STIM1: variants seen among roughly 807,000 people sequenced by gnomAD.
The protein encoded by STIM1 is stromal interaction molecule 1.
In STIM1, 25 loss-of-function variants were observed where a neutral mutation model predicts 74.7. The ratio of observed to expected loss-of-function variants is 0.33; its 90% CI spans 0.24 to 0.47. The LOEUF (loss-of-function observed/expected upper bound fraction) is 0.47, where lower values mean the gene tolerates loss of function less well. STIM1 is among the 20% of genes least tolerant of loss of function. The pLI is 1.00. For missense variants in STIM1, 728 were observed against 920.8 expected, an observed-to-expected ratio of 0.79 and a Z score of 2.71; for synonymous variants, 328 against 348.8, an observed-to-expected ratio of 0.94 and a Z score of 0.66.
intron 1 of STIM1, among the ~76,000 whole-genome samples, chr11:3,905,393 A>G (rs2092448677): frequency 1.3e-5 from 2 of 149,854 alleles, no homozygotes; most frequent in Non-Finnish European, 3.0e-5. Flanking sequence ...TTAAAGGTGG[A>G]GGGGTGGAGT....
intron 12 of STIM1, among the ~76,000 whole-genome samples, chr11:4,090,961 CTTCT>C: frequency 6.6e-6 from 1 of 152,038 alleles, no homozygotes; most frequent in East Asian, 1.9e-4. Context: ...TCTCTTGGCC[CTTCT>C]TTCTACCTGC....
At position 3,856,368 on chromosome 11, in the gene STIM1, G is replaced by A; in HGVS notation, c.98G>A (p.Gly33Glu). The change falls in exon 1 of 13, where the codon GGA becomes GAA. Residue 33 changes from glycine (G) to glutamate (E), a missense_variant. This residue lies in a region of STIM1 where 62 missense variants were observed against 55.5 expected (regional missense o/e 1.12). Transcript: ENST00000526596. ...LSHSHSEKAT[G>E]TSSGANSEES... Reference sequence around the variant, plus strand: ...CATAGTCACAGTGAGAAGGCGACAGGAACCAGCTCGGGGGCCAACTCTGAG... The same window carrying A: ...CATAGTCACAGTGAGAAGGCGACAGAAACCAGCTCGGGGGCCAACTCTGAG... 6.2e-7 allele frequency: 1 copy of A among 1,614,196 alleles called. No individual in the cohort carries two copies. The highest frequency in any genetic ancestry group is 8.5e-7 in the Non-Finnish European group (1 of 1,180,044).
chr11:3,906,832 G>A (rs540157034), intron 1 of STIM1, among the ~76,000 whole-genome samples: 30 of 152,084 alleles, frequency 2.0e-4, no homozygotes, highest in Middle Eastern at 3.2e-3. Context: ...TCTTACCATC[G>A]ATAAGATAAC....
chr11:3,980,391 T>C (rs914045583), intron 2 of STIM1, among the ~76,000 whole-genome samples: 26 of 152,140 alleles, frequency 1.7e-4, no homozygotes, highest in African/African-American at 6.3e-4. Context: ...TACTCTATGC[T>C]ATAGCCACCC....
At chr11:3,863,191 G>A (rs921400147) in intron 1 of STIM1, among the ~76,000 whole-genome samples, 6 of 150,062 alleles carry the variant, frequency 4.0e-5, no homozygotes, top group African/African-American at 1.5e-4. Flanking sequence ...ACCACGCCTG[G>A]CCACACACGT....
chr11:3,893,818 G>T (rs1346775660), intron 1 of STIM1, among the ~76,000 whole-genome samples: 1 of 151,988 alleles, frequency 6.6e-6, no homozygotes, highest in African/African-American at 2.4e-5. Flanking sequence ...CACCATGCCT[G>T]GCTAATATTT....
chr11:3,898,909 G>T (rs1322987360), intron 1 of STIM1, among the ~76,000 whole-genome samples: 1 of 151,770 alleles, frequency 6.6e-6, no homozygotes, highest in Non-Finnish European at 1.5e-5. Flanking sequence ...TGCTGTTTTG[G>T]TTACTGTAGC....
chr11:3,973,923 A>G (rs2093420458), intron 2 of STIM1: 1 of 504,304 alleles, frequency 2.0e-6, no homozygotes, highest in African/African-American at 1.9e-5. Context: ...TCTTTTTTAA[A>G]GCCCCCAACA....
At chr11:3,895,802 TCC>T (rs2092132582) in intron 1 of STIM1, among the ~76,000 whole-genome samples, 1 of 86,870 alleles carries the variant, frequency 1.2e-5, no homozygotes, top group African/African-American at 7.1e-5. Context: ...CTTCCTTCCT[TCC>T]TTTCTTTCCT....
intron 2 of STIM1, among the ~76,000 whole-genome samples, chr11:4,003,792 C>G (rs1259014252): frequency 6.6e-6 from 1 of 152,166 alleles, no homozygotes; most frequent in African/African-American, 2.4e-5. Context: ...AAGAGGAAGC[C>G]AAATTGTCCC....
At chr11:4,089,276 C>T (rs1337008238) in intron 12 of STIM1, among the ~76,000 whole-genome samples, 1 of 152,118 alleles carries the variant, frequency 6.6e-6, no homozygotes, top group Non-Finnish European at 1.5e-5. Flanking sequence ...GGGGTCTGGT[C>T]CAGGAGAAGT....
Position 4,055,553 on chromosome 11 carries a change from T to C in STIM1, c.413T>C (p.Val138Ala). 6.2e-7 allele frequency: 1 copy of C among 1,601,260 alleles called. No homozygotes were observed. Among genetic ancestry groups the C allele is most frequent in the Non-Finnish European group, 8.5e-7 (1 of 1,174,816 alleles). ...TACAATTGGACCGTGGATGAGGTGG[T>C]ACAGTGGCTGATCACATATGTGGAG... The part of the protein sequence containing the change: ...EVYNWTVDEV[V>A]QWLITYVELP... The change falls in exon 4 of 13, where the codon GTA (valine) becomes GCA (alanine). Residue 138 changes from valine to alanine, a missense_variant. This residue lies in a region of STIM1 where 132 missense variants were observed against 158.2 expected (regional missense o/e 0.83). Coordinates refer to ENST00000526596, the MANE Select transcript of STIM1 (RefSeq NM_001382567.1).
intron 3 of STIM1, among the ~76,000 whole-genome samples, chr11:4,037,227 T>G (rs2094111436): frequency 6.6e-6 from 1 of 152,126 alleles, no homozygotes; most frequent in South Asian, 2.1e-4. Context: ...GGCTAGTTTT[T>G]GGATTTTTAG....
intron 6 of STIM1, among the ~76,000 whole-genome samples, chr11:4,073,341 A>G (rs1239977741): frequency 2.0e-5 from 3 of 152,200 alleles, no homozygotes; most frequent in African/African-American, 4.8e-5. Flanking sequence ...GGTGTAGCCC[A>G]AGTCTCTCTT....
chr11:4,076,057 T>C (rs2094435390), intron 7 of STIM1, among the ~76,000 whole-genome samples: 1 of 152,216 alleles, frequency 6.6e-6, no homozygotes, highest in Admixed American at 6.5e-5. Flanking sequence ...ATTTTGGATA[T>C]TAGTCTTTTG....
At chr11:3,874,692 TG>T (rs1243709330) in intron 1 of STIM1, among the ~76,000 whole-genome samples, 5 of 152,260 alleles carry the variant, frequency 3.3e-5, no homozygotes, top group Non-Finnish European at 7.3e-5. Context: ...CTCGCTAATC[TG>T]TCTGATATTT....
At chr11:4,058,482 A>G (rs1026558270) in intron 4 of STIM1, among the ~76,000 whole-genome samples, 8 of 152,232 alleles carry the variant, frequency 5.3e-5, no homozygotes, top group Non-Finnish European at 8.8e-5. Context: ...CACCAATCTT[A>G]TAGAGTAGTA....
At chr11:3,934,922 T>G (rs540444423) in intron 1 of STIM1, among the ~76,000 whole-genome samples, 1 of 152,336 alleles carries the variant, frequency 6.6e-6, no homozygotes, top group East Asian at 1.9e-4. Flanking sequence ...GAGCCACCCT[T>G]GGCATCCTAA....
chr11:3,864,449 C>T (rs532014363), intron 1 of STIM1, among the ~76,000 whole-genome samples: 25 of 152,218 alleles, frequency 1.6e-4, no homozygotes, highest in Non-Finnish European at 3.2e-4. Context: ...AGAGTGTTTG[C>T]TTTTAAGCTA....
Sources: allele counts gnomAD v4.1 joint callset (sites outside exome capture counted in the v4.1 genomes callset), GRCh38; gene constraint gnomAD v4.1.1; regional missense constraint gnomAD v4.1.1; transcripts MANE v1.5; gene names NCBI Gene and HGNC (gene_info 2026-07-23, HGNC 2026-07-21).